The following PLIN1 variants were observed in gnomAD, a reference collection of about 807,000 sequenced individuals.
The protein encoded by PLIN1 is perilipin 1.
A neutral mutation model predicts 45.8 loss-of-function variants in PLIN1; 37 were observed. The observed-to-expected ratio is 0.81, with a 90% confidence interval of 0.62 to 1.06. The LOEUF is 1.06. Ranked by LOEUF, PLIN1 falls within the 50% of genes least tolerant of loss-of-function variation. PLIN1 has a pLI of 0.00. For missense variants in PLIN1, 776 were observed against 716.5 expected, an observed-to-expected ratio of 1.08 and a Z score of -0.95; for synonymous variants, 340 against 309.2, an observed-to-expected ratio of 1.10 and a Z score of -1.05.
rs1221345002 is a variant in PLIN1, at chr15:89,667,481, G to C, written c.963+121C>G. On this transcript the variant is annotated intron_variant, in intron 7 of 8. Transcript: ENST00000300055. ...TGGGCATTTGGGGGTGGGGTGAAGG[G>C]TGTTGCACGCACATGCCGTGCCCCT... is the stretch of plus-strand genomic sequence containing the variant. 4.8e-6 allele frequency: 7 copies of C among 1,454,818 alleles called. No homozygotes were observed. In the Admixed American group the frequency reaches 5.0e-5, roughly 10 times the overall value. 90.1% of individuals were successfully genotyped at this position (1,454,818 alleles called of 1,614,324 possible).
chr15:89,671,828 A>C (rs1964446017), intron 3 of PLIN1, among the ~76,000 whole-genome samples: 1 of 152,220 alleles, frequency 6.6e-6, no homozygotes, highest in Non-Finnish European at 1.5e-5. Context: ...ACATCTAAGA[A>C]GCCTGTGGCC....
intron 2 of PLIN1, 28 bp downstream of exon 2, chr15:89,677,417 C>A (rs756912109): frequency 1.5e-5 from 24 of 1,595,314 alleles, no homozygotes; most frequent in Non-Finnish European, 2.1e-5. Context: ...TGTCCATCCC[C>A]TGTCACAGAT....
rs373107146 is a variant in PLIN1 at position 89,667,620 on chromosome 15, C to T, written c.945G>A (p.Glu315=). Residue 315 remains glutamate, a synonymous_variant, in exon 7 of 9, where the codon GAG becomes GAA. Coordinates refer to ENST00000300055, the MANE Select transcript of PLIN1 (RefSeq NM_002666.5). Reference sequence around the variant, plus strand: ...CCCTCACCTCACTGAACTTGTTCTCCTCAGTCTCCAATTCTTCCTCCTCCT... The same window carrying T: ...CCCTCACCTCACTGAACTTGTTCTCTTCAGTCTCCAATTCTTCCTCCTCCT... ...DTEEEEELET[E]ENKFSEVAAL... is the part of the protein sequence containing the mutation. The T allele has an allele frequency of 7.4e-6, 12 of 1,614,028 alleles. No homozygotes were observed. The highest frequency in any genetic ancestry group is 1.0e-5 in the Non-Finnish European group (12 of 1,179,932).
intron 8 of PLIN1, 127 bp from the exon 9 acceptor site, chr15:89,666,069 G>C (rs1017214632): frequency 1.5e-5 from 10 of 646,200 alleles, no homozygotes; most frequent in Non-Finnish European, 2.3e-5. Flanking sequence ...ACAGGCTGGG[G>C]AGCGGTTCAG....
Position 89,665,578 on chromosome 15 carries a change from G to A in PLIN1, c.*5C>T. ...GGCCCGGGGCGCGGCGGCTGGTGCG[G>A]CGACTCAGCTCTTCTTGCGCAGCTG... is the stretch of plus-strand genomic sequence containing the variant. On this transcript the variant is annotated 3_prime_UTR_variant, in exon 9 of 9. Coordinates refer to ENST00000300055, the MANE Select transcript of PLIN1 (RefSeq NM_002666.5). The A allele has an allele frequency of 2.6e-6, 4 of 1,525,562 alleles. 1 individual carries two copies. The South Asian group carries it at 4.8e-5, about 18-fold the overall frequency. 94.5% of individuals were successfully genotyped at this position (1,525,562 alleles called of 1,614,324 possible). A position where few individuals can be genotyped will look rare whatever the true frequency, so the allele number is the denominator to read the frequency against.
rs1298758535 is a variant in PLIN1, at chr15:89,667,143, A to G, written c.1002T>C (p.Gly334=). Residue 334 remains glycine, a synonymous_variant, in exon 8 of 9, where the codon GGT becomes GGC. Coordinates refer to ENST00000300055, the MANE Select transcript of PLIN1 (RefSeq NM_002666.5). ...ALPGPRGLLG[G]VAHTLQKTLQ... ...GGGTCTTCTGCAGGGTATGTGCCAC[A>G]CCACCCAGGAGGCCTCGAGGGCCTG... 1.2e-6 allele frequency: 2 copies of G among 1,613,820 alleles called. No individual in the cohort carries two copies. The highest frequency in any genetic ancestry group is 1.7e-6 in the Non-Finnish European group (2 of 1,179,994).
Position 89,669,683 on chromosome 15 carries a change from A to C in PLIN1, c.599-11T>G. On this transcript the variant is annotated splice_polypyrimidine_tract_variant and intron_variant, in intron 5 of 8. Coordinates refer to ENST00000300055, the MANE Select transcript of PLIN1 (RefSeq NM_002666.5). Reference sequence around the variant, plus strand: ...GTCCAGGAGCAGGGGCTGGGTAGGGATTTGGGGGGAAAGAAGAGAAAACAG... The same window carrying C: ...GTCCAGGAGCAGGGGCTGGGTAGGGCTTTGGGGGGAAAGAAGAGAAAACAG... 1 of 1,612,924 alleles carries C rather than the reference A, an allele frequency of 6.2e-7. No individual in the cohort carries two copies. Among genetic ancestry groups the C allele is most frequent in the Middle Eastern group, 1.6e-4 (1 of 6,062 alleles).
chr15:89,666,881 C>T (rs1964349311), intron 8 of PLIN1, 55 bp downstream of exon 8: 1 of 1,605,084 alleles, frequency 6.2e-7, no homozygotes, highest in African/African-American at 1.3e-5. Flanking sequence ...TCTACTTTAT[C>T]TGCCATGTCC....
intron 6 of PLIN1, among the ~76,000 whole-genome samples, chr15:89,668,011 C>T (rs553788267): frequency 6.6e-6 from 1 of 152,364 alleles, no homozygotes; most frequent in South Asian, 2.1e-4. Context: ...TATAAGAACA[C>T]ACCTGTGTAA....
chr15:89,667,026 G>C lies in PLIN1; in HGVS notation c.1119C>G (p.Val373=), dbSNP rs2304796. 6.2e-6 allele frequency: 10 copies of C among 1,613,698 alleles called. No homozygotes were observed. Among genetic ancestry groups the C allele is most frequent in the East Asian group, 4.5e-5 (2 of 44,856 alleles). The part of the protein sequence containing the change: ...RVLHLTPAPA[V]SSTKGRAMSL... ...ACATGGCCCTCCCCTTGGTTGAGGA[G>C]ACAGCAGGGGCTGGTGTGAGGTGCA... The change falls in exon 8 of 9, where the codon GTC becomes GTG. Residue 373 remains valine (V), a synonymous_variant. Transcript: ENST00000300055.
At chr15:89,678,509 CAA>C (rs796189693) in intron 1 of PLIN1, among the ~76,000 whole-genome samples, 1 of 129,854 alleles carries the variant, frequency 7.7e-6, no homozygotes. Context: ...GACTCTGTCT[CAA>C]AAAAAAAAAG....
rs112755114 is a variant in PLIN1 at position 89,673,559 on chromosome 15, T to G, written c.46-145A>C. 9,666 of 693,408 alleles carry G rather than the reference T, an allele frequency of 0.014. 656 individuals are homozygous for G. In the African/African-American group the frequency reaches 0.15, roughly 11 times the overall value. 43.0% of individuals were successfully genotyped at this position (693,408 alleles called of 1,614,324 possible). A position where few individuals can be genotyped will look rare whatever the true frequency, so the allele number is the denominator to read the frequency against. ...AACCAAGGCCAAAGAGGTCTCTAGATGCCCCAATCATGGGAGCGTGGGAGA... is the reference window on the plus strand; with the variant it reads ...AACCAAGGCCAAAGAGGTCTCTAGAGGCCCCAATCATGGGAGCGTGGGAGA... On this transcript the variant is annotated intron_variant, in intron 2 of 8. Coordinates refer to ENST00000300055, the MANE Select transcript of PLIN1 (RefSeq NM_002666.5).
At chr15:89,669,341 T>C (rs1964398442) in intron 6 of PLIN1, among the ~76,000 whole-genome samples, 159 bp downstream of exon 6, 1 of 152,194 alleles carries the variant, frequency 6.6e-6, no homozygotes, top group Non-Finnish European at 1.5e-5. Flanking sequence ...GCCATCCCTC[T>C]ACCCCTCTCA....
chr15:89,674,814 CTGGTG>C (rs1964491163), intron 2 of PLIN1, among the ~76,000 whole-genome samples: 1 of 152,176 alleles, frequency 6.6e-6, no homozygotes, highest in African/African-American at 2.4e-5. Context: ...ACACTGTGGT[CTGGTG>C]ACCCCCTCTC....
intron 4 of PLIN1, among the ~76,000 whole-genome samples, chr15:89,670,467 C>T (rs941915779): frequency 6.6e-6 from 1 of 152,166 alleles, no homozygotes; most frequent in East Asian, 1.9e-4. Flanking sequence ...TTCTTCACCC[C>T]GCATCACAGC....
Position 89,673,417 on chromosome 15 carries a change from G to C in PLIN1, c.46-3C>G. The C allele has an allele frequency of 6.3e-7, 1 of 1,593,142 alleles. No individual in the cohort carries two copies. Among genetic ancestry groups the C allele is most frequent in the Non-Finnish European group, 8.6e-7 (1 of 1,169,310 alleles). On this transcript the variant is annotated splice_region_variant and splice_polypyrimidine_tract_variant and intron_variant, in intron 2 of 8. Transcript: ENST00000300055. Reference sequence around the variant, plus strand: ...CGCTGCAGCACATTCTCCTGCTCCTGGTGCGGAAGGAACACATTCAAGTTG... The same window carrying C: ...CGCTGCAGCACATTCTCCTGCTCCTCGTGCGGAAGGAACACATTCAAGTTG...
At chr15:89,669,017 TGG>T (rs1348865833) in intron 6 of PLIN1, among the ~76,000 whole-genome samples, 1 of 151,714 alleles carries the variant, frequency 6.6e-6, no homozygotes, top group Non-Finnish European at 1.5e-5. Context: ...TAACTCTCCC[TGG>T]GCCTAGAAAG....
chr15:89,676,395 C>T (rs745493178), intron 2 of PLIN1, among the ~76,000 whole-genome samples: 1 of 152,230 alleles, frequency 6.6e-6, no homozygotes, highest in African/African-American at 2.4e-5. Context: ...CTACAGGCGC[C>T]CGCCACCATA....
chr15:89,666,799 TG>T, intron 8 of PLIN1, 136 bp downstream of exon 8: 1 of 942,684 alleles, frequency 1.1e-6, no homozygotes, highest in Non-Finnish European at 1.7e-6. Context: ...GCCAGGGCAC[TG>T]AGGACTGGAG....
Sources: gnomAD v4.1 joint callset for allele counts (sites outside exome capture counted in the v4.1 genomes callset) on GRCh38, gnomAD v4.1.1 for gene constraint, MANE v1.5 for transcripts, NCBI Gene and HGNC (gene_info 2026-07-23, HGNC 2026-07-21) for gene names.